RBM15: variants seen among roughly 807,000 people sequenced by gnomAD.
The protein encoded by RBM15 is RNA binding motif protein 15.
In RBM15, 8 loss-of-function variants were observed where a neutral mutation model predicts 62.6. That is an observed-to-expected ratio of 0.13 (90% CI 0.07 to 0.23). RBM15 has a LOEUF of 0.23. Among genes scored for constraint, RBM15 ranks in the 10% least tolerant of loss-of-function variants. RBM15 has a pLI of 1.00. For synonymous variants in RBM15, 606 were observed against 505.7 expected (o/e 1.20, Z -2.66); for missense variants, 1,144 against 1,286.5 (o/e 0.89, Z 1.69).
rs1189790949 is a variant in RBM15, at chr1:110,346,482, G to C, written c.*215G>C. The stretch of plus-strand genomic sequence containing the variant: ...AGCTTAAAGTTGTGTATCTGCTATT[G>C]TGATGCCAATGCCGGTGTTTTAAGT... On this transcript the variant is annotated 3_prime_UTR_variant, in exon 3 of 3. Coordinates refer to ENST00000369784, the MANE Select transcript of RBM15 (RefSeq NM_022768.5). 2.4e-6 allele frequency: 2 copies of C among 844,092 alleles called. No individual in the cohort carries two copies. The highest frequency in any genetic ancestry group is 3.4e-5 in the African/African-American group (2 of 59,080). The allele number at this position is 844,092 out of a possible 1,614,324, so 52.3% of individuals were successfully genotyped here. A position where few individuals can be genotyped will look rare whatever the true frequency, so the allele number is the denominator to read the frequency against.
In RBM15 at chr1:110,342,283, C is replaced by T. The variant is rs1488808049; in HGVS notation, c.2863+15C>T. ...CATTGTCCGTGGTGCGTCCTAAAGT[C>T]CATGTGTAACTTGTATTTACTACTT... is the stretch of plus-strand genomic sequence containing the variant. On this transcript the variant is annotated intron_variant, in intron 1 of 2. Transcript: ENST00000369784. 8 of 1,536,940 alleles carry T rather than the reference C, an allele frequency of 5.2e-6. No individual in the cohort carries two copies. The East Asian group carries it at 1.8e-4, about 35-fold the overall frequency.
In RBM15 at chr1:110,339,502, C is replaced by G; in HGVS notation, c.97C>G (p.Gln33Glu). Residue 33 changes from glutamine to glutamate, a missense_variant, in exon 1 of 3, where the codon CAG becomes GAG. By Grantham distance (29) the Gln-to-Glu change is conservative (BLOSUM62 2). This residue lies in a region of RBM15 where 298 missense variants were observed against 250.0 expected (regional missense o/e 1.19). Coordinates refer to ENST00000369784, the MANE Select transcript of RBM15 (RefSeq NM_022768.5). ...AACGAGCGCGGGGCGGCGGGTTACTCAGCTCCGCGGAGACGACCTCCGACG... is the reference window on the plus strand; with the variant it reads ...AACGAGCGCGGGGCGGCGGGTTACTGAGCTCCGCGGAGACGACCTCCGACG... ...CETSAGRRVTQLRGDDLRRPA... is the reference protein window; with the variant it reads ...CETSAGRRVTELRGDDLRRPA... 1 of 1,593,658 alleles carries G rather than the reference C, an allele frequency of 6.3e-7. No individual in the cohort carries two copies. Among genetic ancestry groups the G allele is most frequent in the Non-Finnish European group, 8.6e-7 (1 of 1,167,150 alleles).
At position 110,342,138 on chromosome 1, in the gene RBM15, C is replaced by T. The variant is rs371641830; in HGVS notation, c.2733C>T (p.Asn911=). Residue 911 remains asparagine (N), a synonymous_variant, in exon 1 of 3, where the codon AAC becomes AAT. Transcript: ENST00000369784. ...AGVISLPVGG[N]KDKENTGVLH... ...TGATCAGCCTCCCTGTGGGGGGCAACAAAGACAAGGAAAACACCGGGGTCC... is the reference window on the plus strand; with the variant it reads ...TGATCAGCCTCCCTGTGGGGGGCAATAAAGACAAGGAAAACACCGGGGTCC... 7.4e-6 allele frequency: 12 copies of T among 1,613,984 alleles called. No homozygotes were observed. In the African/African-American group the frequency reaches 1.2e-4, roughly 16 times the overall value.
chr1:110,339,499 A>G lies in RBM15; in HGVS notation c.94A>G (p.Thr32Ala), dbSNP rs1557890295. The G allele has an allele frequency of 5.7e-6, 9 of 1,591,970 alleles. No homozygotes were observed. Among genetic ancestry groups the G allele is most frequent in the East Asian group, 2.2e-5 (1 of 44,486 alleles). ...TGAAACGAGCGCGGGGCGGCGGGTT[A>G]CTCAGCTCCGCGGAGACGACCTCCG... ...LCETSAGRRV[T>A]QLRGDDLRRP... The change falls in exon 1 of 3, where the codon ACT (threonine) becomes GCT (alanine). Residue 32 changes from threonine (T) to alanine (A), a missense_variant. Thr to Ala is a moderately conservative substitution (Grantham distance 58). Transcript: ENST00000369784.
At chr1:110,342,493 G>A (rs1660819918) in intron 1 of RBM15, 1 of 412,882 alleles carries the variant, frequency 2.4e-6, no homozygotes, top group Non-Finnish European at 4.2e-6. Context: ...ATGCCCTAAA[G>A]GTAGCAGGCA....
Position 110,342,282 on chromosome 1 carries a change from T to G in RBM15, c.2863+14T>G, listed in dbSNP as rs1660815963. The G allele has an allele frequency of 6.5e-7, 1 of 1,540,642 alleles. No individual in the cohort carries two copies. The highest frequency in any genetic ancestry group is 8.8e-7 in the Non-Finnish European group (1 of 1,142,090). On this transcript the variant is annotated intron_variant, in intron 1 of 2. Coordinates refer to ENST00000369784, the MANE Select transcript of RBM15 (RefSeq NM_022768.5). ...TCATTGTCCGTGGTGCGTCCTAAAG[T>G]CCATGTGTAACTTGTATTTACTACT... is the stretch of plus-strand genomic sequence containing the variant.
chr1:110,340,670 A>G lies in RBM15; in HGVS notation c.1265A>G (p.Glu422Gly). 6.2e-7 allele frequency: 1 copy of G among 1,614,194 alleles called. No homozygotes were observed. Among genetic ancestry groups the G allele is most frequent in the Non-Finnish European group, 8.5e-7 (1 of 1,180,018 alleles). Reference sequence around the variant, plus strand: ...AGTACTTACGGCTTTCTCAAATTTGAGAACTTAGATATGTCTCACCGGGCC... The same window carrying G: ...AGTACTTACGGCTTTCTCAAATTTGGGAACTTAGATATGTCTCACCGGGCC... ...QTSTYGFLKF[E>G]NLDMSHRAKL... The change falls in exon 1 of 3, where the codon GAG becomes GGG. Residue 422 changes from glutamate to glycine, a missense_variant. Glu to Gly is a moderately conservative substitution (Grantham distance 98, BLOSUM62 -2). Transcript: ENST00000369784. This position sits in a 1 kb window ranked among gnomAD's most constrained non-coding sequence, Gnocchi z 5.8.
Position 110,340,801 on chromosome 1 carries a change from G to T in RBM15, c.1396G>T (p.Val466Phe). ...CTGGGTGGGAGGCCTGGGACCTTGG[G>T]TTCCTCTTGCTGCCCTGGCACGAGA... ...RLWVGGLGPW[V>F]PLAALAREFD... The change falls in exon 1 of 3, where the codon GTT (valine) becomes TTT (phenylalanine). Residue 466 changes from valine to phenylalanine, a missense_variant. Physicochemically the swap from Val to Phe is conservative, Grantham distance 50. Transcript: ENST00000369784. The surrounding 1 kb of genome is among the most constrained non-coding windows in gnomAD (Gnocchi z 5.8). 6.2e-7 allele frequency: 1 copy of T among 1,614,136 alleles called. No individual in the cohort carries two copies. The highest frequency in any genetic ancestry group is 8.5e-7 in the Non-Finnish European group (1 of 1,180,022).
At position 110,340,556 on chromosome 1, in the gene RBM15, C is replaced by G. The variant is rs766755882; in HGVS notation, c.1151C>G (p.Thr384Ser). 3 of 1,614,070 alleles carry G rather than the reference C, an allele frequency of 1.9e-6. No homozygotes were observed. The highest frequency in any genetic ancestry group is 2.5e-6 in the Non-Finnish European group (3 of 1,180,038). The part of the protein sequence containing the change: ...RTLFLGNLDI[T>S]VTESDLRRAF... ...CTCTTCTTGGGCAACCTAGACATCA[C>G]TGTAACGGAGAGTGATTTAAGAAGG... The change falls in exon 1 of 3, where the codon ACT becomes AGT. Residue 384 changes from threonine to serine, a missense_variant. Thr to Ser is a moderately conservative substitution (Grantham distance 58). Transcript: ENST00000369784. This position sits in a 1 kb window ranked among gnomAD's most constrained non-coding sequence, Gnocchi z 5.8.
rs956643251 is a variant in RBM15 at position 110,339,662 on chromosome 1, G to A, written c.257G>A (p.Gly86Glu). The A allele has an allele frequency of 6.2e-7, 1 of 1,613,302 alleles. No individual in the cohort carries two copies. The highest frequency in any genetic ancestry group is 8.5e-7 in the Non-Finnish European group (1 of 1,180,032). Residue 86 changes from glycine to glutamate, a missense_variant, in exon 1 of 3, where the codon GGA becomes GAA. Gly to Glu is a moderately conservative substitution (Grantham distance 98, BLOSUM62 -2). This residue lies in a region of RBM15 where 298 missense variants were observed against 250.0 expected (regional missense o/e 1.19). Transcript: ENST00000369784. The stretch of plus-strand genomic sequence containing the variant: ...GGTGGCAGCAATGGGAGCAGCAGCG[G>A]AAAGACCGATAGCGGCGGTGGGTCG... ...GSGGSNGSSSGKTDSGGGSRR... is the reference protein window; with the variant it reads ...GSGGSNGSSSEKTDSGGGSRR...
Position 110,341,134 on chromosome 1 carries a change from G to C in RBM15, c.1729G>C (p.Asp577His), listed in dbSNP as rs144000745. The C allele has an allele frequency of 6.2e-7, 1 of 1,614,004 alleles. No individual in the cohort carries two copies. The highest frequency in any genetic ancestry group is 1.3e-5 in the African/African-American group (1 of 74,938). The change falls in exon 1 of 3, where the codon GAT becomes CAT. Residue 577 changes from aspartate to histidine, a missense_variant. Asp to His is a moderately conservative substitution (Grantham distance 81, BLOSUM62 -1). Transcript: ENST00000369784. The surrounding 1 kb of genome is among the most constrained non-coding windows in gnomAD (Gnocchi z 4.5). Reference sequence around the variant, plus strand: ...ACCACCCTTACTATACAGAGATCGTGATAGGGACCTTTATCCTGACTCTGA... The same window carrying C: ...ACCACCCTTACTATACAGAGATCGTCATAGGGACCTTTATCCTGACTCTGA... ...RTPPLLYRDR[D>H]RDLYPDSDWV...
chr1:110,345,784 C>T (rs1327846226), intron 2 of RBM15, 135 bp downstream of exon 2: 5 of 617,146 alleles, frequency 8.1e-6, no homozygotes, highest in African/African-American at 1.9e-5. Flanking sequence ...AAAATAACGG[C>T]TGCTGTCTTT....
At position 110,341,904 on chromosome 1, in the gene RBM15, G is replaced by A. The variant is rs1250143506; in HGVS notation, c.2499G>A (p.Gln833=). The A allele has an allele frequency of 1.2e-6, 2 of 1,614,126 alleles. No individual in the cohort carries two copies. Among genetic ancestry groups the A allele is most frequent in the Non-Finnish European group, 1.7e-6 (2 of 1,180,050 alleles). Residue 833 remains glutamine, a synonymous_variant, in exon 1 of 3, where the codon CAG becomes CAA. Coordinates refer to ENST00000369784, the MANE Select transcript of RBM15 (RefSeq NM_022768.5). This position sits in a 1 kb window ranked among gnomAD's most constrained non-coding sequence, Gnocchi z 4.5. ...AAGTGGCCCAGCTCAAGATCACTCA[G>A]CGTCTCCGTTTGGACCAGCCCAAGT... The part of the protein sequence containing the change: ...GGKVAQLKIT[Q]RLRLDQPKLD...
intron 1 of RBM15, 94 bp from the exon 2 acceptor site, chr1:110,345,445 G>A: frequency 2.4e-6 from 2 of 835,520 alleles, no homozygotes; most frequent in South Asian, 1.5e-5. Flanking sequence ...ACAGAATTAG[G>A]AAATCCTCTT....
At chr1:110,345,449 T>C (rs184059944) in intron 1 of RBM15, 90 bp from the exon 2 acceptor site, 1 of 844,284 alleles carries the variant, frequency 1.2e-6, no homozygotes, top group Admixed American at 2.0e-5. Flanking sequence ...AATTAGGAAA[T>C]CCTCTTGAGA....
Position 110,346,385 on chromosome 1 carries a change from T to G in RBM15, c.*118T>G. ...CTTTTTGAAGAGAAGTTGTGGCTTA[T>G]GTGGAGTTTACATGGGCCTCTGATG... On this transcript the variant is annotated 3_prime_UTR_variant, in exon 3 of 3. Coordinates refer to ENST00000369784, the MANE Select transcript of RBM15 (RefSeq NM_022768.5). The G allele has an allele frequency of 6.3e-7, 1 of 1,590,000 alleles. No homozygotes were observed. The highest frequency in any genetic ancestry group is 1.1e-5 in the South Asian group (1 of 90,810).
chr1:110,340,080 A>G lies in RBM15; in HGVS notation c.675A>G (p.Pro225=), dbSNP rs1261370967. 3.1e-6 allele frequency: 5 copies of G among 1,613,832 alleles called. No individual in the cohort carries two copies. The highest frequency in any genetic ancestry group is 1.3e-5 in the African/African-American group (1 of 74,932). ...TAGCCTTTGTGAACTTCCGGCGGCCAGAGGACGCGCGGGCGGCCAAGCATG... is the reference window on the plus strand; with the variant it reads ...TAGCCTTTGTGAACTTCCGGCGGCCGGAGGACGCGCGGGCGGCCAAGCATG... ...ERVAFVNFRR[P]EDARAAKHAR... Residue 225 remains proline, a synonymous_variant, in exon 1 of 3, where the codon CCA becomes CCG. Transcript: ENST00000369784. The surrounding 1 kb of genome is among the most constrained non-coding windows in gnomAD (Gnocchi z 5.8).
At position 110,342,063 on chromosome 1, in the gene RBM15, G is replaced by A. The variant is rs201641173; in HGVS notation, c.2658G>A (p.Arg886=). The A allele has an allele frequency of 2.1e-5, 34 of 1,614,124 alleles. No homozygotes were observed. The highest frequency in any genetic ancestry group is 2.7e-5 in the Non-Finnish European group (32 of 1,180,054). ...AASDTATSTQ[R]PLRNLVSYLK... ...CAGACACTGCCACTTCTACTCAGAG[G>A]CCACTTAGGAACCTTGTGTCCTATT... Residue 886 remains arginine (R), a synonymous_variant, in exon 1 of 3, where the codon AGG becomes AGA. Coordinates refer to ENST00000369784, the MANE Select transcript of RBM15 (RefSeq NM_022768.5).
chr1:110,341,770 C>A lies in RBM15; in HGVS notation c.2365C>A (p.Gln789Lys), dbSNP rs867388509. 1.9e-6 allele frequency: 3 copies of A among 1,614,212 alleles called. No individual in the cohort carries two copies. Among genetic ancestry groups the A allele is most frequent in the Middle Eastern group, 3.3e-4 (2 of 6,060 alleles). ...CTCTCCCAAACTCTGTTTGGCCTGG[C>A]AGGGCATGCTTCTACTGAAGAACAG... The part of the protein sequence containing the change: ...SASPKLCLAW[Q>K]GMLLLKNSNF... The change falls in exon 1 of 3, where the codon CAG becomes AAG. Residue 789 changes from glutamine to lysine, a missense_variant. This residue lies in a region of RBM15 where 360 missense variants were observed against 342.9 expected (regional missense o/e 1.05). Transcript: ENST00000369784. The surrounding 1 kb of genome is among the most constrained non-coding windows in gnomAD (Gnocchi z 4.5).
Sources: allele counts gnomAD v4.1 joint callset, GRCh38; gene constraint gnomAD v4.1.1; regional missense constraint gnomAD v4.1.1; non-coding constraint Gnocchi (gnomAD v3.1); transcripts MANE v1.5; gene names NCBI Gene and HGNC (gene_info 2026-07-23, HGNC 2026-07-21).